Variants in AGPAT3 observed in about 807,000 individuals in gnomAD.
The protein encoded by AGPAT3 is 1-acyl-sn-glycerol-3-phosphate acyltransferase gamma.
A neutral mutation model predicts 47.3 loss-of-function variants in AGPAT3; 5 were observed. The observed-to-expected ratio is 0.11, with a 90% CI of 0.06 to 0.22. AGPAT3 has a LOEUF of 0.22. AGPAT3 is among the 10% of genes least tolerant of loss of function. The pLI, the probability that AGPAT3 is intolerant of heterozygous loss-of-function variation, is 1.00. For synonymous variants in AGPAT3, 212 were observed against 208.3 expected (o/e 1.02, Z -0.15); for missense variants, 315 against 493.0 (o/e 0.64, Z 3.42).
At chr21:43,959,902 T>TG in intron 3 of AGPAT3, 43 bp downstream of exon 3, 1 of 1,557,310 alleles carries the variant, frequency 6.4e-7, no homozygotes, top group Non-Finnish European at 8.7e-7. Context: ...GGGGCTCCCG[T>TG]GGGGGTGGCG....
intron 7 of AGPAT3, among the ~76,000 whole-genome samples, chr21:43,972,097 C>A (rs2089421755): frequency 6.6e-6 from 1 of 152,082 alleles, no homozygotes; most frequent in Admixed American, 6.5e-5. Context: ...ACGCGAGGGA[C>A]CGCAGTGTCT....
Position 43,983,477 on chromosome 21 carries a change from A to G in AGPAT3, c.*1085A>G, listed in dbSNP as rs11537799. 0.42 allele frequency: 63,963 copies of G among 152,080 alleles called. 14,369 individuals carry two copies. Among genetic ancestry groups the G allele is most frequent in the African/African-American group, 0.59 (24,457 of 41,496 alleles). The allele number at this position is 152,080 out of a possible 1,614,324, so 9.4% of individuals were successfully genotyped here. A position where few individuals can be genotyped will look rare whatever the true frequency, so the allele number is the denominator to read the frequency against. On this transcript the variant is annotated 3_prime_UTR_variant, in exon 10 of 10. Coordinates refer to ENST00000291572, the MANE Select transcript of AGPAT3 (RefSeq NM_020132.5). ...CAGCCTCGCACTGTGTCCTTGGGGAAGGCCCGCCCCCATCCTGGCCGGTGT... is the reference window on the plus strand; with the variant it reads ...CAGCCTCGCACTGTGTCCTTGGGGAGGGCCCGCCCCCATCCTGGCCGGTGT...
At chr21:43,877,687 G>A (rs774202784) in intron 1 of AGPAT3, among the ~76,000 whole-genome samples, 5 of 152,066 alleles carry the variant, frequency 3.3e-5, no homozygotes, top group African/African-American at 9.7e-5. Flanking sequence ...CGGGTGATCC[G>A]CCCGCCTTGG....
At chr21:43,967,869 G>A in intron 3 of AGPAT3, 77 bp from the exon 4 acceptor site, 2 of 1,442,284 alleles carry the variant, frequency 1.4e-6, no homozygotes, top group Non-Finnish European at 1.9e-6. Flanking sequence ...AATACTGTAG[G>A]TGTCTCCTGT....
chr21:43,959,229 TGTG>T (rs372487585), intron 2 of AGPAT3, among the ~76,000 whole-genome samples: 5,381 of 130,312 alleles, frequency 0.041, 272 homozygotes, highest in African/African-American at 0.11. Flanking sequence ...GGGTTTGTGA[TGTG>T]GTGTGTGTGT....
chr21:43,872,864 A>C (rs966395253), intron 1 of AGPAT3, among the ~76,000 whole-genome samples: 1 of 152,276 alleles, frequency 6.6e-6, no homozygotes, highest in Non-Finnish European at 1.5e-5. Flanking sequence ...TCCTTGAAGC[A>C]GAGGAGGCCT....
chr21:43,905,646 G>T (rs550289670), intron 2 of AGPAT3, among the ~76,000 whole-genome samples: 20 of 152,220 alleles, frequency 1.3e-4, no homozygotes, highest in African/African-American at 4.8e-4. Flanking sequence ...TACTTGCTGG[G>T]TTTGCTCATT....
chr21:43,969,342 C>T, intron 5 of AGPAT3, 63 bp downstream of exon 5: 1 of 1,586,796 alleles, frequency 6.3e-7, no homozygotes, highest in Admixed American at 1.7e-5. Context: ...ACTCCTGATG[C>T]ACGGCTGCCC....
intron 1 of AGPAT3, among the ~76,000 whole-genome samples, chr21:43,898,995 C>T (rs1408149562): frequency 4.6e-5 from 7 of 152,108 alleles, no homozygotes; most frequent in Non-Finnish European, 8.8e-5. Flanking sequence ...GGATTATAGG[C>T]GTGAGCCACT....
chr21:43,891,254 C>T (rs1349032480), intron 1 of AGPAT3, among the ~76,000 whole-genome samples: 1 of 152,218 alleles, frequency 6.6e-6, no homozygotes. Flanking sequence ...CACTCTGGAT[C>T]TTTGTTGTTA....
rs2030404738 is a variant in AGPAT3 at position 43,987,468 on chromosome 21, T to C, written c.*5076T>C. Reference sequence around the variant, plus strand: ...AGCGATCAAGGACAAAAGGTTTTCCTAAGTGGCATGTATACATCCAAAACT... The same window carrying C: ...AGCGATCAAGGACAAAAGGTTTTCCCAAGTGGCATGTATACATCCAAAACT... On this transcript the variant is annotated 3_prime_UTR_variant, in exon 10 of 10. Coordinates refer to ENST00000291572, the MANE Select transcript of AGPAT3 (RefSeq NM_020132.5). 6.6e-6 allele frequency among the ~76,000 whole-genome samples: 1 copy of C among 152,254 alleles called. No individual in the cohort carries two copies. Among genetic ancestry groups the C allele is most frequent in the South Asian group, 2.1e-4 (1 of 4,832 alleles).
chr21:43,965,315 TG>T (rs2089069208), intron 3 of AGPAT3: 1 of 152,368 alleles, frequency 6.6e-6, no homozygotes, highest in Non-Finnish European at 1.5e-5. Context: ...GCCTTCTTGC[TG>T]CCCATTTTGA....
At chr21:43,901,775 A>G (rs188974937) in intron 1 of AGPAT3, among the ~76,000 whole-genome samples, 30 of 152,274 alleles carry the variant, frequency 2.0e-4, no homozygotes, top group African/African-American at 6.5e-4. Context: ...ACTGTCTCAA[A>G]AAGAAAAAAG....
Position 43,934,130 on chromosome 21 carries a change from C to A in AGPAT3, c.-48-25504C>A, listed in dbSNP as rs2087352515. Among the ~76,000 whole-genome samples the A allele has an allele frequency of 6.6e-6, 1 of 152,248 alleles. No homozygotes were observed. Among genetic ancestry groups the A allele is most frequent in the South Asian group, 2.1e-4 (1 of 4,834 alleles). ...GTTTTGAGACCTGGATGCTGGAGAA[C>A]AGGCAGACATGGGTGCCCGGCACGC... On this transcript the variant is annotated intron_variant, in intron 2 of 9. Coordinates refer to ENST00000291572, the MANE Select transcript of AGPAT3 (RefSeq NM_020132.5). The surrounding 1 kb of genome is among the most constrained non-coding windows in gnomAD (Gnocchi z 4.7).
rs754838049 is a variant in AGPAT3, at chr21:43,981,060, G to C, written c.915G>C (p.Pro305=). 12 of 1,614,068 alleles carry C rather than the reference G, an allele frequency of 7.4e-6. No individual in the cohort carries two copies. Among genetic ancestry groups the C allele is most frequent in the Non-Finnish European group, 1.0e-5 (12 of 1,180,018 alleles). ...AGCAGTTTAAGCCTGCCCGGAGGCCGTGGACCCTCCTGAACTTCCTGTCCT... is the reference window on the plus strand; with the variant it reads ...AGCAGTTTAAGCCTGCCCGGAGGCCCTGGACCCTCCTGAACTTCCTGTCCT... ...PGEQFKPARR[P]WTLLNFLSWA... Residue 305 remains proline, a synonymous_variant, in exon 9 of 10, where the codon CCG becomes CCC. Transcript: ENST00000291572. This position sits in a 1 kb window ranked among gnomAD's most constrained non-coding sequence, Gnocchi z 5.3.
chr21:43,913,302 A>C (rs2086664887), intron 2 of AGPAT3, among the ~76,000 whole-genome samples: 1 of 152,196 alleles, frequency 6.6e-6, no homozygotes, highest in African/African-American at 2.4e-5. Flanking sequence ...TTACACTCTT[A>C]AAAAATTACT....
intron 3 of AGPAT3, among the ~76,000 whole-genome samples, chr21:43,964,620 G>C (rs1254385143): frequency 6.6e-6 from 1 of 152,106 alleles, no homozygotes; most frequent in East Asian, 1.9e-4. Context: ...CAAGAAAGTA[G>C]AAAGAAAAGC....
chr21:43,921,904 C>A (rs757818660), intron 2 of AGPAT3, among the ~76,000 whole-genome samples: 1 of 152,100 alleles, frequency 6.6e-6, no homozygotes, highest in Non-Finnish European at 1.5e-5. Context: ...CCTGTCTCCC[C>A]CACCAAGGTG....
intron 1 of AGPAT3, among the ~76,000 whole-genome samples, chr21:43,887,579 C>T (rs928793125): frequency 6.6e-6 from 1 of 152,222 alleles, no homozygotes; most frequent in South Asian, 2.1e-4. Flanking sequence ...TAAAAGCGTG[C>T]GCACACGCAC....
Sources: gnomAD v4.1 joint callset for allele counts (sites outside exome capture counted in the v4.1 genomes callset) on GRCh38, gnomAD v4.1.1 for gene constraint, Gnocchi (gnomAD v3.1) non-coding constraint, MANE v1.5 for transcripts, NCBI Gene and HGNC (gene_info 2026-07-23, HGNC 2026-07-21) for gene names.